Variants in OR3A2 observed in about 807,000 individuals in gnomAD.
OR3A2 encodes the protein olfactory receptor 3A2.
For missense variants in OR3A2, 318 were observed against 392.8 expected (o/e 0.81, Z 1.61); for synonymous variants, 126 against 159.3 (o/e 0.79, Z 1.57).
intron 3 of OR3A2, among the ~76,000 whole-genome samples, chr17:3,308,664 G>A (rs1042239408): frequency 2.6e-5 from 4 of 152,152 alleles, no homozygotes; most frequent in Non-Finnish European, 5.9e-5. Context: ...TGGAGAGACT[G>A]AGTTTGAGGT....
At chr17:3,303,378 GAA>G (rs2048978971) in intron 3 of OR3A2, among the ~76,000 whole-genome samples, 1 of 152,102 alleles carries the variant, frequency 6.6e-6, no homozygotes, top group African/African-American at 2.4e-5. Flanking sequence ...TTTTCTAAGT[GAA>G]AAGGCAAGCT....
intron 2 of OR3A2, among the ~76,000 whole-genome samples, chr17:3,361,620 C>T (rs28851285): frequency 0.14 from 21,229 of 151,526 alleles, 2,174 homozygotes; most frequent in African/African-American, 0.25. Context: ...GAGTTTTTAG[C>T]ATGAAAGGTT....
chr17:3,347,982 T>C (rs965843980), intron 2 of OR3A2, among the ~76,000 whole-genome samples: 1 of 152,248 alleles, frequency 6.6e-6, no homozygotes, highest in African/African-American at 2.4e-5. Context: ...GATTTGCATT[T>C]CTCTGATGGC....
intron 3 of OR3A2, among the ~76,000 whole-genome samples, chr17:3,334,330 C>A (rs1458505738): frequency 6.6e-6 from 1 of 152,178 alleles, no homozygotes; most frequent in African/African-American, 2.4e-5. Context: ...CCTCTGGTAA[C>A]CACTATTCTA....
At chr17:3,336,701 CA>C (rs2049276753) in intron 2 of OR3A2, among the ~76,000 whole-genome samples, 1 of 152,082 alleles carries the variant, frequency 6.6e-6, no homozygotes, top group African/African-American at 2.4e-5. Context: ...TGCCAGACAC[CA>C]TACTTTAGCT....
In OR3A2 at chr17:3,383,935, A is replaced by G. The variant is rs797012431; in HGVS notation, c.-274-36T>C. 8.5e-5 allele frequency: 11 copies of G among 129,242 alleles called. No individual in the cohort carries two copies. In the South Asian group the frequency reaches 1.5e-3, roughly 17 times the overall value. The allele number at this position is 129,242 out of a possible 1,614,324, so 8.0% of individuals were successfully genotyped here. A position where few individuals can be genotyped will look rare whatever the true frequency, so the allele number is the denominator to read the frequency against. Reference sequence around the variant, plus strand: ...CAAATATTTATTGAATAAATATTGTATACAAATATTTATTGAATAAATATT... The same window carrying G: ...CAAATATTTATTGAATAAATATTGTGTACAAATATTTATTGAATAAATATT... On this transcript the variant is annotated intron_variant, in intron 1 of 4. Transcript: ENST00000573491.
chr17:3,370,906 G>A (rs1259865478), intron 2 of OR3A2, among the ~76,000 whole-genome samples: 1 of 152,086 alleles, frequency 6.6e-6, no homozygotes, highest in Non-Finnish European at 1.5e-5. Context: ...AACCCTGAGT[G>A]GACACAGCAC....
At chr17:3,321,649 T>G (rs1180135474) in intron 3 of OR3A2, among the ~76,000 whole-genome samples, 1 of 152,244 alleles carries the variant, frequency 6.6e-6, no homozygotes, top group African/African-American at 2.4e-5. Context: ...ACGTGGTTTT[T>G]GTCTTTGGTT....
intron 3 of OR3A2, among the ~76,000 whole-genome samples, chr17:3,300,777 G>A (rs1029728627): frequency 6.6e-6 from 1 of 151,226 alleles, no homozygotes; most frequent in Non-Finnish European, 1.5e-5. Flanking sequence ...GTGCTGTGTT[G>A]GTGTGCTGCA....
downstream of OR3A2, among the ~76,000 whole-genome samples, chr17:3,276,542 T>C (rs1273915364): frequency 2.0e-5 from 3 of 152,218 alleles, no homozygotes; most frequent in Non-Finnish European, 2.9e-5. Flanking sequence ...ATTTTTAAAA[T>C]AAATATATTT....
intron 3 of OR3A2, among the ~76,000 whole-genome samples, chr17:3,324,091 C>A (rs427121): frequency 8.6e-5 from 13 of 151,756 alleles, no homozygotes; most frequent in African/African-American, 2.9e-4. Context: ...TTCTCTTCTC[C>A]CTTCCTTTCA....
At chr17:3,291,729 T>C (rs754950702) in intron 3 of OR3A2, 102 of 1,613,690 alleles carry the variant, frequency 6.3e-5, no homozygotes, top group Non-Finnish European at 7.6e-5. Context: ...CAGCATGGGA[T>C]TGATGACAGT....
intron 3 of OR3A2, among the ~76,000 whole-genome samples, chr17:3,309,550 T>G (rs1203158789): frequency 6.6e-6 from 1 of 152,166 alleles, no homozygotes; most frequent in Non-Finnish European, 1.5e-5. Context: ...TCAAAAGCCC[T>G]TTTTACATTC....
intron 3 of OR3A2, among the ~76,000 whole-genome samples, chr17:3,328,462 C>G (rs12602448): frequency 0.5 from 54,099 of 108,064 alleles, 13,913 homozygotes; most frequent in African/African-American, 0.62. Context: ...TTTGGGCTGA[C>G]ACAATGGGGT....
At chr17:3,339,259 T>G (rs1217097321) in intron 2 of OR3A2, among the ~76,000 whole-genome samples, 1 of 152,198 alleles carries the variant, frequency 6.6e-6, no homozygotes, top group Admixed American at 6.5e-5. Flanking sequence ...TACACTTTAT[T>G]TCTTTCTCCT....
chr17:3,351,982 G>A (rs984373735), intron 2 of OR3A2, among the ~76,000 whole-genome samples: 15 of 152,268 alleles, frequency 9.9e-5, no homozygotes, highest in Non-Finnish European at 1.9e-4. Flanking sequence ...CTAGCCATAT[G>A]TAGAAAGCTG....
chr17:3,282,809 A>AT (rs1204753665), intron 1 of OR3A2, among the ~76,000 whole-genome samples: 2 of 152,206 alleles, frequency 1.3e-5, no homozygotes, highest in African/African-American at 4.8e-5. Context: ...TGTCAGGTCC[A>AT]TTTTAACAGA....
chr17:3,353,743 C>T (rs936513563), intron 2 of OR3A2, among the ~76,000 whole-genome samples: 8 of 151,776 alleles, frequency 5.3e-5, no homozygotes, highest in East Asian at 3.9e-4. Flanking sequence ...TTGATACAGG[C>T]GTGCAAAGTG....
rs746443747 is a variant in OR3A2, at chr17:3,355,987, C to T, written c.-178-19861G>A. 3.8e-4 allele frequency among the ~76,000 whole-genome samples: 58 copies of T among 150,720 alleles called. 1 individual carries two copies. Among genetic ancestry groups the T allele is most frequent in the Non-Finnish European group, 7.4e-4 (50 of 67,762 alleles). On this transcript the variant is annotated intron_variant, in intron 2 of 4. Transcript: ENST00000573491. ...CTCTTGGTTTTTGTTTTTTATATATCCCTTGTATGTTTTTTGATTTGAGAT... is the reference window on the plus strand; with the variant it reads ...CTCTTGGTTTTTGTTTTTTATATATTCCTTGTATGTTTTTTGATTTGAGAT...
Sources: allele counts gnomAD v4.1 joint callset (sites outside exome capture counted in the v4.1 genomes callset), GRCh38; gene constraint gnomAD v4.1.1; transcripts MANE v1.5; gene names NCBI Gene and HGNC (gene_info 2026-07-23, HGNC 2026-07-21).